Variants in NTRK1 observed in about 807,000 individuals in gnomAD.
NTRK1 encodes the protein neurotrophic receptor tyrosine kinase 1.
Under a neutral mutation model 86.8 loss-of-function variants are expected in NTRK1, and 62 were observed. The observed-to-expected ratio is 0.71, with a 90% CI of 0.58 to 0.88. The LOEUF is 0.88. Ranked by LOEUF, NTRK1 falls within the 40% of genes least tolerant of loss-of-function variation. The pLI, the probability that NTRK1 is intolerant of heterozygous loss-of-function variation, is 0.00. For missense variants in NTRK1, 967 were observed against 1,078.4 expected (o/e 0.90, Z 1.45); for synonymous variants, 469 against 456.6 (o/e 1.03, Z -0.35).
In NTRK1 at chr1:156,876,222, C is replaced by T. The variant is rs1236188096; in HGVS notation, c.1632+12C>T. 21 of 1,613,752 alleles carry T rather than the reference C, an allele frequency of 1.3e-5. No homozygotes were observed. Among genetic ancestry groups the T allele is most frequent in the Non-Finnish European group, 1.8e-5 (21 of 1,179,996 alleles). The stretch of plus-strand genomic sequence containing the variant: ...TGGTGGCTGTCAAGGTGAGACCCTG[C>T]CCCGGGGGGTACTGCTGGCCTGGGT... On this transcript the variant is annotated intron_variant, in intron 13 of 16. Transcript: ENST00000524377.
intron 3 of NTRK1, chr1:156,865,206 C>T: frequency 3.6e-6 from 1 of 277,340 alleles, no homozygotes; most frequent in Non-Finnish European, 7.1e-6. Flanking sequence ...TTAGGTCTGC[C>T]ACTTGTCACC....
intron 1 of NTRK1, among the ~76,000 whole-genome samples, chr1:156,823,885 G>A (rs1301870921): frequency 6.6e-6 from 1 of 152,136 alleles, no homozygotes; most frequent in Non-Finnish European, 1.5e-5. Context: ...CCAGTGGGTT[G>A]TTCACTGCCT....
At chr1:156,816,165 C>G in intron 1 of NTRK1, 1 of 1,521,512 alleles carries the variant, frequency 6.6e-7, no homozygotes, top group Middle Eastern at 1.8e-4. Flanking sequence ...CCCACCCCTC[C>G]TCCCAGGCTC....
intron 2 of NTRK1, chr1:156,849,503 C>CTGGGGGGGGGGG: frequency 2.1e-6 from 1 of 483,666 alleles, no homozygotes; most frequent in Non-Finnish European, 3.3e-6. Flanking sequence ...GAGGTGGGGG[C>CTGGGGGGGGGGG]AGGGGGTGGG....
rs2102879586 is a variant in NTRK1 at position 156,861,126 on chromosome 1, C to A, written c.192C>A (p.Gly64=). ...TGGATAGCCTCCACCACCTGCCCGG[C>A]GCAGAGAACCTGACTGAGCTGTGAG... ...GALDSLHHLP[G]AENLTELYIE... The change falls in exon 1 of 17, where the codon GGC becomes GGA. Residue 64 remains glycine, a synonymous_variant. Coordinates refer to ENST00000524377, the MANE Select transcript of NTRK1 (RefSeq NM_002529.4). 1 of 1,580,082 alleles carries A rather than the reference C, an allele frequency of 6.3e-7. No homozygotes were observed. Among genetic ancestry groups the A allele is most frequent in the African/African-American group, 1.3e-5 (1 of 74,652 alleles).
rs766869319 is a variant in NTRK1 at position 156,851,943 on chromosome 1, G to A, written c.50+9750G>A. 13 of 1,605,722 alleles carry A rather than the reference G, an allele frequency of 8.1e-6. No homozygotes were observed. In the East Asian group the frequency reaches 1.3e-4, roughly 17 times the overall value. On this transcript the variant is annotated intron_variant, in intron 2 of 16. Transcript: ENST00000392302. ...CACTGGGCCAGGCAACTGCCCTGGT[G>A]TATGCCGAAGGTGGAGGCACGGCCG...
intron 11 of NTRK1, 42 bp from the exon 12 acceptor site, chr1:156,875,478 G>A (rs773411420): frequency 1.7e-5 from 28 of 1,612,800 alleles, no homozygotes; most frequent in Non-Finnish European, 2.4e-5. Context: ...GCAGGGCCAA[G>A]GTGTGGGCAA....
intron 2 of NTRK1, among the ~76,000 whole-genome samples, chr1:156,853,336 G>A (rs1255124373): frequency 6.6e-6 from 1 of 152,188 alleles, no homozygotes; most frequent in Non-Finnish European, 1.5e-5. Context: ...GACACCCAAT[G>A]ATCATTTTAC....
chr1:156,848,320 TG>T (rs1655081867), intron 2 of NTRK1, among the ~76,000 whole-genome samples: 1 of 152,194 alleles, frequency 6.6e-6, no homozygotes, highest in Non-Finnish European at 1.5e-5. Flanking sequence ...AGAGAGAGCA[TG>T]AACTCCTTAC....
chr1:156,840,035 A>G (rs941437101), intron 1 of NTRK1: 3 of 146,540 alleles, frequency 2.0e-5, no homozygotes, highest in African/African-American at 7.5e-5. Context: ...ATGTAGATGG[A>G]GAGATAATGG....
chr1:156,827,876 G>A (rs1379875689), intron 1 of NTRK1, among the ~76,000 whole-genome samples: 2 of 152,140 alleles, frequency 1.3e-5, no homozygotes, highest in African/African-American at 4.8e-5. Flanking sequence ...TAGAATTAGT[G>A]TATGAATTTA....
rs1337171168 is a variant in NTRK1, at chr1:156,845,322, G to A, written c.50+3129G>A. On this transcript the variant is annotated intron_variant, in intron 2 of 16. Transcript: ENST00000392302. Reference sequence around the variant, plus strand: ...CTGGGGAGAGCGAGTCAGAGCCAAGGCCCAGCCCCCAAAGCCACGCCCCTC... The same window carrying A: ...CTGGGGAGAGCGAGTCAGAGCCAAGACCCAGCCCCCAAAGCCACGCCCCTC... 1.9e-6 allele frequency: 3 copies of A among 1,610,278 alleles called. No individual in the cohort carries two copies. In the African/African-American group the frequency reaches 4.0e-5, roughly 22 times the overall value.
chr1:156,815,760 C>A, exon 1 of NTRK1: 1 of 1,584,158 alleles, frequency 6.3e-7, no homozygotes, highest in South Asian at 1.1e-5. Flanking sequence ...GCACCCTGGT[C>A]ATCTGCGGAC....
At chr1:156,876,045 C>A in intron 12 of NTRK1, 35 bp from the exon 13 acceptor site, 1 of 1,614,142 alleles carries the variant, frequency 6.2e-7, no homozygotes, top group South Asian at 1.1e-5. Flanking sequence ...CCTCCCAAGA[C>A]TGGGGCTACC....
intron 15 of NTRK1, among the ~76,000 whole-genome samples, chr1:156,879,759 C>T (rs971184596): frequency 1.6e-4 from 24 of 152,110 alleles, no homozygotes; most frequent in Admixed American, 7.2e-4. Flanking sequence ...ACAGGCCACA[C>T]GCCATCACGC....
chr1:156,845,162 C>G (rs1314258343), intron 2 of NTRK1: 2 of 1,611,362 alleles, frequency 1.2e-6, no homozygotes, highest in African/African-American at 2.7e-5. Context: ...GATGTCGATC[C>G]GGTATTCCGT....
intron 2 of NTRK1, chr1:156,849,300 C>T: frequency 1.2e-6 from 2 of 1,613,978 alleles, no homozygotes; most frequent in South Asian, 1.1e-5. Context: ...TTCTGCCGAC[C>T]TCGCGTGCCT....
intron 3 of NTRK1, among the ~76,000 whole-genome samples, chr1:156,865,955 T>G (rs1655911057): frequency 6.6e-6 from 1 of 152,252 alleles, no homozygotes; most frequent in East Asian, 1.9e-4. Context: ...ACGTGCTCAA[T>G]GACACTTCAC....
At chr1:156,862,330 C>T (rs1655688865) in intron 1 of NTRK1, among the ~76,000 whole-genome samples, 1 of 152,166 alleles carries the variant, frequency 6.6e-6, no homozygotes, top group Admixed American at 6.5e-5. Context: ...TAGGTCTCTG[C>T]ATGATGGGAG....
Sources: allele counts gnomAD v4.1 joint callset (sites outside exome capture counted in the v4.1 genomes callset), GRCh38; gene constraint gnomAD v4.1.1; transcripts MANE v1.5; gene names NCBI Gene and HGNC (gene_info 2026-07-23, HGNC 2026-07-21).